The following DDX60 variants were observed in gnomAD, a reference collection of about 807,000 sequenced individuals.
The protein encoded by DDX60 is DExD/H-box helicase 60.
Under a neutral mutation model 212.8 loss-of-function variants are expected in DDX60, and 165 were observed. That is an observed-to-expected ratio of 0.78 (90% CI 0.68 to 0.88). DDX60 has a LOEUF of 0.88. Ranked by LOEUF, DDX60 falls within the 40% of genes least tolerant of loss-of-function variation. The pLI is 0.00. For synonymous variants in DDX60, 703 were observed against 685.3 expected (o/e 1.03, Z -0.40); for missense variants, 1,905 against 2,003.9 (o/e 0.95, Z 0.94).
At position 168,268,854 on chromosome 4, in the gene DDX60, T is replaced by A. The variant is rs1241956059; in HGVS notation, c.2786A>T (p.Glu929Val). 12 of 1,521,380 alleles carry A rather than the reference T, an allele frequency of 7.9e-6. No individual in the cohort carries two copies. Among genetic ancestry groups the A allele is most frequent in the Non-Finnish European group, 1.1e-5 (12 of 1,116,094 alleles). 94.2% of individuals were successfully genotyped at this position (1,521,380 alleles called of 1,614,324 possible). The change falls in exon 20 of 38, where the codon GAG becomes GTG. Residue 929 changes from glutamate to valine, a missense_variant and splice_region_variant. Physicochemically the swap from Glu to Val is moderately radical, Grantham distance 121 (BLOSUM62 -2). Coordinates refer to ENST00000393743, the MANE Select transcript of DDX60 (RefSeq NM_017631.6). The part of the protein sequence containing the change: ...ATISNPEHLT[E>V]WLQSVKWYWK... ...GTCCAAATTGAAACTTAATGCCTAC[T>A]CGGTGAGATGTTCAGGATTACTTAT... is the stretch of plus-strand genomic sequence containing the variant.
chr4:168,223,845 C>A (rs1482709420), intron 35 of DDX60, among the ~76,000 whole-genome samples: 1 of 152,034 alleles, frequency 6.6e-6, no homozygotes, highest in African/African-American at 2.4e-5. Flanking sequence ...TAGCCAGGAT[C>A]TTCCAAATGT....
chr4:168,237,579 A>G, intron 31 of DDX60, 112 bp downstream of exon 31: 3 of 1,145,712 alleles, frequency 2.6e-6, no homozygotes, highest in Admixed American at 5.7e-5. Flanking sequence ...CCATTTATAA[A>G]TAATATCAAT....
At chr4:168,313,367 T>C (rs1301482465) in intron 1 of DDX60, among the ~76,000 whole-genome samples, 1 of 152,176 alleles carries the variant, frequency 6.6e-6, no homozygotes, top group Non-Finnish European at 1.5e-5. Flanking sequence ...TTGTTCTACA[T>C]GGCATAGGAC....
At chr4:168,232,871 A>T (rs1479858604) in intron 33 of DDX60, among the ~76,000 whole-genome samples, 1 of 152,138 alleles carries the variant, frequency 6.6e-6, no homozygotes, top group Non-Finnish European at 1.5e-5. Context: ...GGACTTAATT[A>T]AACTAAAAGC....
chr4:168,247,590 A>G (rs1734065768), intron 29 of DDX60, among the ~76,000 whole-genome samples: 1 of 152,228 alleles, frequency 6.6e-6, no homozygotes, highest in African/African-American at 2.4e-5. Flanking sequence ...GGTCGTATGA[A>G]GATAAACCAC....
chr4:168,302,799 A>C (rs1736701965), intron 5 of DDX60, among the ~76,000 whole-genome samples: 1 of 152,142 alleles, frequency 6.6e-6, no homozygotes. Flanking sequence ...AATGCCATAT[A>C]TTTTAACAAA....
rs190096949 is a variant in DDX60, at chr4:168,220,273, G to A, written c.5039+382C>T. 1.4e-3 allele frequency among the ~76,000 whole-genome samples: 209 copies of A among 152,202 alleles called. 1 individual carries two copies. Among genetic ancestry groups the A allele is most frequent in the Non-Finnish European group, 2.4e-3 (163 of 67,996 alleles). On this transcript the variant is annotated intron_variant, in intron 37 of 37. Coordinates refer to ENST00000393743, the MANE Select transcript of DDX60 (RefSeq NM_017631.6). Reference sequence around the variant, plus strand: ...TGTAAGTGAATATAAACTAGAGACCGGATGGAACCCTAAGGAGCCCTCTGA... The same window carrying A: ...TGTAAGTGAATATAAACTAGAGACCAGATGGAACCCTAAGGAGCCCTCTGA...
intron 14 of DDX60, 94 bp from the exon 15 acceptor site, chr4:168,276,275 C>T (rs371939824): frequency 3.8e-6 from 4 of 1,048,050 alleles, no homozygotes; most frequent in Middle Eastern, 2.9e-4. Flanking sequence ...GCCTCACTAT[C>T]TCACTTGGCA....
intron 33 of DDX60, among the ~76,000 whole-genome samples, chr4:168,227,135 G>T (rs183673490): frequency 6.6e-6 from 1 of 151,632 alleles, no homozygotes; most frequent in Non-Finnish European, 1.5e-5. Flanking sequence ...TACATATATA[G>T]TGATGTTATC....
intron 22 of DDX60, 62 bp from the exon 23 acceptor site, chr4:168,262,849 C>T (rs1734681796): frequency 8.6e-7 from 1 of 1,160,160 alleles, no homozygotes; most frequent in South Asian, 1.6e-5. Context: ...TCCTTTGCCT[C>T]TTAGTCACTA....
chr4:168,323,195 T>A (rs1737639073), upstream of DDX60, among the ~76,000 whole-genome samples: 1 of 152,118 alleles, frequency 6.6e-6, no homozygotes, highest in South Asian at 2.1e-4. Flanking sequence ...TGAGACTTAC[T>A]GAGAGTAGGA....
intron 26 of DDX60, 68 bp from the exon 27 acceptor site, chr4:168,252,724 G>T: frequency 7.6e-7 from 1 of 1,320,400 alleles, no homozygotes. Context: ...AATTTGATTT[G>T]GCCACCAGAG....
At position 168,273,337 on chromosome 4, in the gene DDX60, C is replaced by G. The variant is rs1735184797; in HGVS notation, c.2516G>C (p.Gly839Ala). The change falls in exon 18 of 38, where the codon GGT becomes GCT. Residue 839 changes from glycine (G) to alanine (A), a missense_variant. By Grantham distance (60) the Gly-to-Ala change is moderately conservative (BLOSUM62 0). Coordinates refer to ENST00000393743, the MANE Select transcript of DDX60 (RefSeq NM_017631.6). Reference sequence around the variant, plus strand: ...GGTGAAAACACCACAGAGAACTTCACCACTTGGCAGATTTTTCGTAAAACG... The same window carrying G: ...GGTGAAAACACCACAGAGAACTTCAGCACTTGGCAGATTTTTCGTAAAACG... ...QNRFTKNLPS[G>A]EVLCGVFTRE... 2 of 1,613,940 alleles carry G rather than the reference C, an allele frequency of 1.2e-6. No individual in the cohort carries two copies. The highest frequency in any genetic ancestry group is 1.7e-6 in the Non-Finnish European group (2 of 1,179,906).
chr4:168,259,263 T>C (rs1488909577), intron 25 of DDX60, among the ~76,000 whole-genome samples: 1 of 152,210 alleles, frequency 6.6e-6, no homozygotes, highest in East Asian at 1.9e-4. Context: ...TAAACAGATA[T>C]TTTTCAGTTT....
In DDX60 at chr4:168,302,387, T is replaced by C. The variant is rs916909286; in HGVS notation, c.636A>G (p.Thr212=). Reference sequence around the variant, plus strand: ...ATCTTTCCAACTGGTTAAGCAGGGTTGTATAAGCATCTTTAATGTTCTGCT... The same window carrying C: ...ATCTTTCCAACTGGTTAAGCAGGGTCGTATAAGCATCTTTAATGTTCTGCT... ...KNKQNIKDAY[T]TLLNQLERFK... Residue 212 remains threonine (T), a synonymous_variant, in exon 6 of 38, where the codon ACA becomes ACG. Coordinates refer to ENST00000393743, the MANE Select transcript of DDX60 (RefSeq NM_017631.6). The C allele has an allele frequency of 2.6e-6, 4 of 1,567,886 alleles. No individual in the cohort carries two copies. The highest frequency in any genetic ancestry group is 1.9e-5 in the Admixed American group (1 of 52,916).
intron 28 of DDX60, among the ~76,000 whole-genome samples, chr4:168,250,218 A>C (rs1163407202): frequency 1.3e-5 from 2 of 152,276 alleles, no homozygotes; most frequent in Admixed American, 1.3e-4. Flanking sequence ...CAAAGTATTT[A>C]TTTAGGAAAT....
chr4:168,256,561 T>G (rs1263083618), intron 25 of DDX60, among the ~76,000 whole-genome samples: 1 of 152,188 alleles, frequency 6.6e-6, no homozygotes, highest in African/African-American at 2.4e-5. Flanking sequence ...TATAGACAAA[T>G]GGCTGCAGAT....
chr4:168,285,026 G>A, intron 11 of DDX60, 91 bp from the exon 12 acceptor site: 1 of 651,878 alleles, frequency 1.5e-6, no homozygotes, highest in Non-Finnish European at 2.5e-6. Flanking sequence ...GAAAATCATA[G>A]TTCCCCTTCT....
chr4:168,235,726 C>G (rs1280957354), intron 33 of DDX60, among the ~76,000 whole-genome samples: 1 of 151,950 alleles, frequency 6.6e-6, no homozygotes, highest in Non-Finnish European at 1.5e-5. Flanking sequence ...GGTAGAGAAT[C>G]ATAACCAAAG....
Sources: allele counts gnomAD v4.1 joint callset (sites outside exome capture counted in the v4.1 genomes callset), GRCh38; gene constraint gnomAD v4.1.1; transcripts MANE v1.5; gene names NCBI Gene and HGNC (gene_info 2026-07-23, HGNC 2026-07-21).